ARHGAP44: variants seen among roughly 807,000 people sequenced by gnomAD.
ARHGAP44 encodes the protein Rho GTPase activating protein 44, also known as rho GTPase-activating protein 44.
Under a neutral mutation model 106.8 loss-of-function variants are expected in ARHGAP44, and 43 were observed. The observed-to-expected ratio is 0.40, with a 90% CI of 0.32 to 0.52. The LOEUF is 0.52. Ranked by LOEUF, ARHGAP44 falls within the 20% of genes least tolerant of loss-of-function variation. The pLI is 0.48. For missense variants in ARHGAP44, 866 were observed against 1,050.5 expected, an observed-to-expected ratio of 0.82 and a Z score of 2.43; for synonymous variants, 439 against 410.3, an observed-to-expected ratio of 1.07 and a Z score of -0.85.
At chr17:12,886,363 T>A (rs898781697) in intron 1 of ARHGAP44, among the ~76,000 whole-genome samples, 1 of 152,202 alleles carries the variant, frequency 6.6e-6, no homozygotes, top group South Asian at 2.1e-4. Context: ...CTATAATAAA[T>A]CTTATTAAGA....
intron 1 of ARHGAP44, among the ~76,000 whole-genome samples, chr17:12,843,466 C>T (rs9903941): frequency 0.23 from 34,569 of 151,688 alleles, 5,776 homozygotes; most frequent in African/African-American, 0.46. Flanking sequence ...CCCTAAAATT[C>T]TTATCTGCTG....
At chr17:12,809,060 G>C (rs2034362824) in intron 1 of ARHGAP44, among the ~76,000 whole-genome samples, 1 of 152,210 alleles carries the variant, frequency 6.6e-6, no homozygotes. Context: ...GGGGCAAAAT[G>C]CTATGAGTCT....
At chr17:12,846,193 A>G (rs1597929127) in intron 1 of ARHGAP44, among the ~76,000 whole-genome samples, 1 of 152,354 alleles carries the variant, frequency 6.6e-6, no homozygotes, top group South Asian at 2.1e-4. Flanking sequence ...AGGAATTAAA[A>G]TCTACTAAAG....
chr17:12,858,093 C>G (rs2035964927), intron 1 of ARHGAP44, among the ~76,000 whole-genome samples: 1 of 152,170 alleles, frequency 6.6e-6, no homozygotes, highest in African/African-American at 2.4e-5. Flanking sequence ...AAGAACAGGA[C>G]TAAGTCTTAT....
chr17:12,836,669 GA>G (rs994520027), intron 1 of ARHGAP44, among the ~76,000 whole-genome samples: 1 of 149,420 alleles, frequency 6.7e-6, no homozygotes, highest in African/African-American at 2.5e-5. Context: ...AAAAAGAAAA[GA>G]AAAAAAAGAA....
intron 1 of ARHGAP44, among the ~76,000 whole-genome samples, chr17:12,829,603 A>C (rs1213809726): frequency 6.6e-6 from 1 of 152,166 alleles, no homozygotes; most frequent in Non-Finnish European, 1.5e-5. Flanking sequence ...TCATTTGATT[A>C]TATCACACTC....
At chr17:12,954,086 C>T (rs1190155080) in intron 13 of ARHGAP44, among the ~76,000 whole-genome samples, 7 of 148,982 alleles carry the variant, frequency 4.7e-5, no homozygotes, top group East Asian at 2.0e-4. Context: ...TTAGTAGAGA[C>T]GGGGTTTCAC....
chr17:12,936,503 T>G (rs1355751785), intron 7 of ARHGAP44, among the ~76,000 whole-genome samples: 1 of 152,222 alleles, frequency 6.6e-6, no homozygotes, highest in Non-Finnish European at 1.5e-5. Context: ...TCAGTTTCCT[T>G]CAAGTCTTTT....
chr17:12,806,331 G>A (rs1004300523), intron 1 of ARHGAP44, among the ~76,000 whole-genome samples: 1 of 152,056 alleles, frequency 6.6e-6, no homozygotes, highest in African/African-American at 2.4e-5. Context: ...GATTGCCAAG[G>A]GATATAGAGT....
At position 12,978,035 on chromosome 17, in the gene ARHGAP44, TCAAA is replaced by T. The variant is rs1464869587; in HGVS notation, c.1764-2022_1764-2019del. ...CTGGGCAACAGAGCAAGACTCCATCTCAAAAAAAAAAAAAAAAAAAAGTGTGTTT... is the reference window on the plus strand; with the variant it reads ...CTGGGCAACAGAGCAAGACTCCATCTAAAAAAAAAAAAAAAAAGTGTGTTT... On this transcript the variant is annotated intron_variant, in intron 18 of 20. Transcript: ENST00000379672. Among the ~76,000 whole-genome samples, 143 of 55,556 alleles carry T rather than the reference TCAAA, an allele frequency of 2.6e-3. 13 individuals carry two copies. Among genetic ancestry groups the T allele is most frequent in the African/African-American group, 0.01 (109 of 10,728 alleles). The allele number at this position is 55,556 out of a possible 152,430, so 36.4% of individuals were successfully genotyped here. A position where few individuals can be genotyped will look rare whatever the true frequency, so the allele number is the denominator to read the frequency against.
At position 12,848,354 on chromosome 17, in the gene ARHGAP44, G is replaced by C. The variant is rs150413460; in HGVS notation, c.54-46586G>C. On this transcript the variant is annotated intron_variant, in intron 1 of 20. Transcript: ENST00000379672. ...TTTACTGCCTTTTCGGGTGTAGATA[G>C]ATATTCAGACTTTAAAACGATTTGT... is the stretch of plus-strand genomic sequence containing the variant. 1.7e-3 allele frequency among the ~76,000 whole-genome samples: 252 copies of C among 151,902 alleles called. 3 individuals carry two copies. Among genetic ancestry groups the C allele is most frequent in the African/African-American group, 5.7e-3 (234 of 41,410 alleles).
intron 18 of ARHGAP44, among the ~76,000 whole-genome samples, chr17:12,976,543 G>C (rs993616418): frequency 6.6e-6 from 1 of 150,960 alleles, no homozygotes; most frequent in Non-Finnish European, 1.5e-5. Context: ...AACCCAGGAG[G>C]CGGAGGTTGC....
At chr17:12,904,242 G>T (rs559923999) in intron 3 of ARHGAP44, among the ~76,000 whole-genome samples, 1 of 152,270 alleles carries the variant, frequency 6.6e-6, no homozygotes, top group Admixed American at 6.5e-5. Flanking sequence ...GAGTAGCTGG[G>T]ATTACAGGTG....
chr17:12,861,644 C>CTTTTTTTTTT (rs71144930), intron 1 of ARHGAP44, among the ~76,000 whole-genome samples: 11 of 67,736 alleles, frequency 1.6e-4, no homozygotes, highest in African/African-American at 2.4e-4. Flanking sequence ...TCCTCTTCCA[C>CTTTTTTTTTT]TTTTTTTTTT....
intron 10 of ARHGAP44, among the ~76,000 whole-genome samples, chr17:12,948,557 G>A (rs2038911647): frequency 6.6e-6 from 1 of 152,096 alleles, no homozygotes; most frequent in Non-Finnish European, 1.5e-5. Flanking sequence ...TGTAATCCCA[G>A]CTACTTGGGA....
chr17:12,921,308 C>T (rs962537768), intron 6 of ARHGAP44, among the ~76,000 whole-genome samples: 4 of 152,068 alleles, frequency 2.6e-5, no homozygotes, highest in Non-Finnish European at 5.9e-5. Context: ...TTCAAGTGAT[C>T]TGCCCACCTC....
chr17:12,987,183 C>A, intron 20 of ARHGAP44: 1 of 1,522,222 alleles, frequency 6.6e-7, no homozygotes, highest in South Asian at 1.2e-5. Flanking sequence ...CCCCTCCACC[C>A]CGCTAGCTAG....
chr17:12,863,143 A>G (rs1597961380), intron 1 of ARHGAP44, among the ~76,000 whole-genome samples: 1 of 150,782 alleles, frequency 6.6e-6, no homozygotes, highest in African/African-American at 2.5e-5. Flanking sequence ...ATAAATAAAT[A>G]AAATTAAAAT....
At chr17:12,898,600 C>T (rs2037283986) in intron 3 of ARHGAP44, among the ~76,000 whole-genome samples, 1 of 152,194 alleles carries the variant, frequency 6.6e-6, no homozygotes, top group East Asian at 1.9e-4. Flanking sequence ...CCTCCACTTA[C>T]AACTGTAATG....
Sources: gnomAD v4.1 joint callset for allele counts (sites outside exome capture counted in the v4.1 genomes callset) on GRCh38, gnomAD v4.1.1 for gene constraint, MANE v1.5 for transcripts, NCBI Gene and HGNC (gene_info 2026-07-23, HGNC 2026-07-21) for gene names.